The following CNTNAP5 variants were observed in gnomAD, a reference collection of about 807,000 sequenced individuals.
CNTNAP5 encodes the protein contactin-associated protein-like 5.
Under a neutral mutation model 150.2 loss-of-function variants are expected in CNTNAP5, and 72 were observed. The observed-to-expected ratio is 0.48, with a 90% CI of 0.40 to 0.58. The LOEUF (loss-of-function observed/expected upper bound fraction) is 0.58. Among genes scored for constraint, CNTNAP5 ranks in the 20% least tolerant of loss-of-function variants. The probability of loss-of-function intolerance (pLI) is 0.00; values close to 1 mark genes in which losing one functional copy is unlikely to be tolerated. For missense variants in CNTNAP5, 1,636 were observed against 1,626.2 expected (o/e 1.01, Z -0.10); for synonymous variants, 672 against 619.8 (o/e 1.08, Z -1.25).
intron 19 of CNTNAP5, among the ~76,000 whole-genome samples, chr2:124,829,836 A>T (rs1025828060): frequency 3.9e-5 from 6 of 151,994 alleles, no homozygotes; most frequent in African/African-American, 1.4e-4. Flanking sequence ...TGACAAGAAC[A>T]TCTAGTTATT....
chr2:124,576,020 G>GAA (rs1310655385), intron 11 of CNTNAP5, among the ~76,000 whole-genome samples: 1 of 152,122 alleles, frequency 6.6e-6, no homozygotes, highest in Non-Finnish European at 1.5e-5. Flanking sequence ...ATTTCTTAAA[G>GAA]ATCCTCACAC....
At chr2:124,715,003 G>A (rs1679914738) in intron 13 of CNTNAP5, among the ~76,000 whole-genome samples, 1 of 152,112 alleles carries the variant, frequency 6.6e-6, no homozygotes, top group African/African-American at 2.4e-5. Context: ...AAGGGATGAG[G>A]GAAGACAGGA....
chr2:124,868,863 T>C (rs745527161), intron 20 of CNTNAP5, among the ~76,000 whole-genome samples: 1 of 152,120 alleles, frequency 6.6e-6, no homozygotes, highest in Non-Finnish European at 1.5e-5. Flanking sequence ...GAGGACTCTT[T>C]CTGGGAATAG....
intron 10 of CNTNAP5, among the ~76,000 whole-genome samples, chr2:124,533,406 G>C (rs1022185271): frequency 6.6e-6 from 1 of 152,152 alleles, no homozygotes; most frequent in Admixed American, 6.5e-5. Flanking sequence ...TAAGAAATTC[G>C]TGTGTGATGC....
At chr2:124,236,730 G>A (rs1686756428) in intron 2 of CNTNAP5, among the ~76,000 whole-genome samples, 1 of 152,092 alleles carries the variant, frequency 6.6e-6, no homozygotes, top group Non-Finnish European at 1.5e-5. Context: ...TAGTTTCATA[G>A]GGCCTTCTGG....
intron 6 of CNTNAP5, among the ~76,000 whole-genome samples, chr2:124,473,399 T>A (rs1693564428): frequency 6.6e-6 from 1 of 151,950 alleles, no homozygotes; most frequent in South Asian, 2.1e-4. Flanking sequence ...ATGAAATAGA[T>A]AAAATATCAA....
chr2:124,675,709 G>T (rs570999753), intron 13 of CNTNAP5, among the ~76,000 whole-genome samples: 1 of 152,184 alleles, frequency 6.6e-6, no homozygotes, highest in East Asian at 1.9e-4. Flanking sequence ...ATACAGTTTA[G>T]TATGTACTGC....
At chr2:124,600,266 T>A (rs1413278792) in intron 11 of CNTNAP5, among the ~76,000 whole-genome samples, 5 of 152,100 alleles carry the variant, frequency 3.3e-5, no homozygotes, top group Non-Finnish European at 7.4e-5. Flanking sequence ...GTTTACCATC[T>A]CCAAAACAGC....
chr2:124,770,862 T>C (rs1460952615), intron 16 of CNTNAP5, among the ~76,000 whole-genome samples: 2 of 152,320 alleles, frequency 1.3e-5, no homozygotes, highest in South Asian at 2.1e-4. Flanking sequence ...AGGATTCGTG[T>C]CTAAATAATC....
At chr2:124,887,105 C>A (rs1231064278) in intron 21 of CNTNAP5, among the ~76,000 whole-genome samples, 3 of 152,012 alleles carry the variant, frequency 2.0e-5, no homozygotes, top group Admixed American at 1.3e-4. Context: ...ACCCTGAAAT[C>A]TTTTTGACAG....
At chr2:124,040,370 A>G (rs1232592812) in intron 1 of CNTNAP5, among the ~76,000 whole-genome samples, 4 of 152,134 alleles carry the variant, frequency 2.6e-5, no homozygotes, top group Admixed American at 2.0e-4. Flanking sequence ...TTAGGGCAAG[A>G]TACTGTTACC....
intron 1 of CNTNAP5, among the ~76,000 whole-genome samples, chr2:124,075,720 G>A (rs1041497883): frequency 2.0e-5 from 3 of 152,110 alleles, no homozygotes; most frequent in Non-Finnish European, 4.4e-5. Context: ...CTGTCTGTGT[G>A]TGGACTGATT....
intron 16 of CNTNAP5, among the ~76,000 whole-genome samples, chr2:124,771,700 C>T (rs528501405): frequency 2.7e-5 from 4 of 145,800 alleles, no homozygotes; most frequent in African/African-American, 1.0e-4. Flanking sequence ...ATCACTGGCG[C>T]CATCACCATC....
intron 13 of CNTNAP5, among the ~76,000 whole-genome samples, chr2:124,672,322 C>A (rs1678841653): frequency 6.6e-6 from 1 of 152,102 alleles, no homozygotes; most frequent in Admixed American, 6.5e-5. Context: ...CATTCTGAGG[C>A]ATTGGGTATT....
chr2:124,556,844 G>C (rs534212608), intron 10 of CNTNAP5, among the ~76,000 whole-genome samples: 10 of 152,142 alleles, frequency 6.6e-5, no homozygotes, highest in Non-Finnish European at 1.2e-4. Context: ...GTGGGGGCAG[G>C]GTGAGGGAGG....
intron 4 of CNTNAP5, among the ~76,000 whole-genome samples, chr2:124,420,146 A>T (rs543204030): frequency 6.6e-6 from 1 of 151,376 alleles, no homozygotes; most frequent in East Asian, 2.0e-4. Flanking sequence ...GTGCACCACC[A>T]TGTCTGGCTA....
intron 19 of CNTNAP5, among the ~76,000 whole-genome samples, chr2:124,818,603 A>ACCTGCTG: frequency 6.6e-6 from 1 of 152,204 alleles, no homozygotes; most frequent in African/African-American, 2.4e-5. Context: ...ACAAATTCTG[A>ACCTGCTG]ATCCAAGCAC....
intron 3 of CNTNAP5, among the ~76,000 whole-genome samples, chr2:124,406,540 C>T (rs911442323): frequency 6.6e-6 from 1 of 152,098 alleles, no homozygotes; most frequent in African/African-American, 2.4e-5. Context: ...TTATATTTAA[C>T]CATGCAGTTT....
chr2:124,411,246 A>C (rs965020361), intron 3 of CNTNAP5, among the ~76,000 whole-genome samples: 2 of 152,192 alleles, frequency 1.3e-5, no homozygotes, highest in Non-Finnish European at 2.9e-5. Context: ...ATAGTTTACC[A>C]ACCAAAAAGA....
Sources: gnomAD v4.1 joint callset for allele counts (sites outside exome capture counted in the v4.1 genomes callset) on GRCh38, gnomAD v4.1.1 for gene constraint, MANE v1.5 for transcripts, NCBI Gene and HGNC (gene_info 2026-07-23, HGNC 2026-07-21) for gene names.